Variants in TEC observed in about 807,000 individuals in gnomAD.
The protein encoded by TEC is tec protein tyrosine kinase.
TEC carries 72 observed loss-of-function variants against 93.0 expected under a neutral mutation model. That is an observed-to-expected ratio of 0.77 (90% CI 0.64 to 0.94). TEC has a LOEUF of 0.94. Among genes scored for constraint, TEC ranks in the 40% least tolerant of loss-of-function variants. TEC has a pLI of 0.00. For missense variants in TEC, 630 were observed against 757.9 expected (o/e 0.83, Z 1.98); for synonymous variants, 249 against 247.7 (o/e 1.01, Z -0.05).
intron 2 of TEC, among the ~76,000 whole-genome samples, chr4:48,222,616 A>G (rs1723304107): frequency 6.6e-6 from 1 of 152,134 alleles, no homozygotes. Context: ...CAATGTGAGC[A>G]GGCATCATCC....
intron 2 of TEC, among the ~76,000 whole-genome samples, chr4:48,178,907 A>T (rs1721441043): frequency 6.6e-6 from 1 of 152,144 alleles, no homozygotes; most frequent in African/African-American, 2.4e-5. Context: ...AACCACTTGC[A>T]TCTGCCTCCC....
At chr4:48,198,835 GC>G (rs1231519327) in intron 2 of TEC, among the ~76,000 whole-genome samples, 10 of 152,072 alleles carry the variant, frequency 6.6e-5, no homozygotes, top group African/African-American at 2.4e-4. Flanking sequence ...AGGCCACAGA[GC>G]CCTTCTGTTT....
At chr4:48,161,761 A>G (rs1387199461) in intron 8 of TEC, among the ~76,000 whole-genome samples, 1 of 152,144 alleles carries the variant, frequency 6.6e-6, no homozygotes, top group Non-Finnish European at 1.5e-5. Context: ...GGACTGGGAA[A>G]GGCAGACCCA....
intron 8 of TEC, among the ~76,000 whole-genome samples, chr4:48,162,652 T>G (rs180806400): frequency 6.6e-6 from 1 of 152,362 alleles, no homozygotes; most frequent in Admixed American, 6.5e-5. Context: ...AAAATTACTT[T>G]GAGAGATCAC....
At chr4:48,225,436 G>A (rs1338676524) in intron 2 of TEC, among the ~76,000 whole-genome samples, 1 of 152,006 alleles carries the variant, frequency 6.6e-6, no homozygotes, top group Non-Finnish European at 1.5e-5. Flanking sequence ...CTCAGCTTCC[G>A]AAAGTGCTAG....
intron 2 of TEC, among the ~76,000 whole-genome samples, chr4:48,200,648 A>C (rs1329656389): frequency 2.6e-5 from 4 of 152,210 alleles, no homozygotes; most frequent in Non-Finnish European, 5.9e-5. Context: ...GCTACTAGGT[A>C]TAGCCATGTG....
intron 1 of TEC, among the ~76,000 whole-genome samples, chr4:48,242,157 T>C (rs1324102551): frequency 2.0e-5 from 3 of 152,238 alleles, no homozygotes; most frequent in Non-Finnish European, 4.4e-5. Flanking sequence ...TCAAATTTAC[T>C]TATATAAGCA....
At chr4:48,195,353 C>CT (rs988843089) in intron 2 of TEC, among the ~76,000 whole-genome samples, 3 of 151,714 alleles carry the variant, frequency 2.0e-5, no homozygotes, top group African/African-American at 7.3e-5. Flanking sequence ...TACTTACAAA[C>CT]TTTTTTTTTG....
chr4:48,199,689 G>A (rs935843890), intron 2 of TEC, among the ~76,000 whole-genome samples: 27 of 151,782 alleles, frequency 1.8e-4, no homozygotes, highest in African/African-American at 5.1e-4. Context: ...GGGTGGTCTC[G>A]AACTCCTGAC....
chr4:48,259,926 C>T (rs1724452556), intron 1 of TEC, among the ~76,000 whole-genome samples: 1 of 152,056 alleles, frequency 6.6e-6, no homozygotes, highest in African/African-American at 2.4e-5. Context: ...AGATGCCTTC[C>T]CGGGTCACAC....
intron 3 of TEC, among the ~76,000 whole-genome samples, chr4:48,171,878 TGTG>T (rs1721127108): frequency 1.3e-5 from 2 of 152,254 alleles, no homozygotes; most frequent in Non-Finnish European, 2.9e-5. Context: ...ACGCCAGCAC[TGTG>T]CTGTGTGCTT....
intron 5 of TEC, 65 bp from the exon 6 acceptor site, chr4:48,168,691 A>G (rs1720976377): frequency 6.4e-7 from 1 of 1,555,032 alleles, no homozygotes; most frequent in Non-Finnish European, 8.8e-7. Context: ...AAAATAAGAT[A>G]TGGGTAGTTT....
chr4:48,211,621 T>C (rs1722901573), intron 2 of TEC, among the ~76,000 whole-genome samples: 1 of 152,202 alleles, frequency 6.6e-6, no homozygotes, highest in Non-Finnish European at 1.5e-5. Flanking sequence ...AGTCTTCAAC[T>C]GTGACAGTTT....
chr4:48,175,814 T>A (rs1372454888), intron 3 of TEC, among the ~76,000 whole-genome samples: 2 of 152,212 alleles, frequency 1.3e-5, no homozygotes, highest in Non-Finnish European at 2.9e-5. Context: ...AGCCTTTTAA[T>A]CTCATTTCCA....
rs532438469 is a variant in TEC at position 48,138,814 on chromosome 4, T to A, written c.1663A>T (p.Met555Leu). 6.2e-7 allele frequency: 1 copy of A among 1,613,716 alleles called. No individual in the cohort carries two copies. The highest frequency in any genetic ancestry group is 2.2e-5 in the East Asian group (1 of 44,884). Residue 555 changes from methionine (M) to leucine (L), a missense_variant, in exon 17 of 18, where the codon ATG (methionine) becomes TTG (leucine). By Grantham distance (15) the Met-to-Leu change is conservative. Around this residue, in one of 3 missense-constraint regions of TEC, gnomAD observed 289 missense variants for 390.0 expected, o/e 0.74. Transcript: ENST00000381501. ...CTGCCTTCCGTGAATACTTCCCACA[T>A]TAAAACACCTGGAAAAGGATAAGGA... ...KSDVWSFGVLMWEVFTEGRMP... is the reference protein window; with the variant it reads ...KSDVWSFGVLLWEVFTEGRMP...
In TEC at chr4:48,154,004, A is replaced by C. The variant is rs538175937; in HGVS notation, c.792+2676T>G. 3.9e-5 allele frequency among the ~76,000 whole-genome samples: 6 copies of C among 152,226 alleles called. No homozygotes were observed. In the South Asian group the frequency reaches 1.2e-3, roughly 32 times the overall value. On this transcript the variant is annotated intron_variant, in intron 9 of 17. Transcript: ENST00000381501. ...GTAAACCATCTATGCTCAGGTTTTC[A>C]TGGGACTTGATAAAGCAACTTTTAC...
At chr4:48,194,408 AC>A (rs2109586538) in intron 2 of TEC, among the ~76,000 whole-genome samples, 1 of 152,376 alleles carries the variant, frequency 6.6e-6, no homozygotes, top group East Asian at 1.9e-4. Context: ...ATCAGCTGCT[AC>A]TTAGCCCTAT....
intron 8 of TEC, among the ~76,000 whole-genome samples, chr4:48,162,496 G>A (rs1386787885): frequency 1.3e-5 from 2 of 152,136 alleles, no homozygotes; most frequent in East Asian, 1.9e-4. Flanking sequence ...AGTTCTCCAC[G>A]CTATCGCTTT....
At chr4:48,237,388 A>T (rs1723815460) in intron 1 of TEC, among the ~76,000 whole-genome samples, 1 of 152,192 alleles carries the variant, frequency 6.6e-6, no homozygotes, top group Non-Finnish European at 1.5e-5. Context: ...AGAACAGCCT[A>T]TCCTAGTCAA....
Sources: gnomAD v4.1 joint callset for allele counts (sites outside exome capture counted in the v4.1 genomes callset) on GRCh38, gnomAD v4.1.1 for gene constraint, gnomAD v4.1.1 regional missense constraint, MANE v1.5 for transcripts, NCBI Gene and HGNC (gene_info 2026-07-23, HGNC 2026-07-21) for gene names.